ARHGAP6: variants seen among roughly 807,000 people sequenced by gnomAD.
The protein encoded by ARHGAP6 is Rho GTPase activating protein 6, also known as rho GTPase-activating protein 6.
In ARHGAP6, 16 loss-of-function variants were observed where a neutral mutation model predicts 55.7. The observed-to-expected ratio is 0.29, with a 90% confidence interval of 0.19 to 0.44. ARHGAP6 has a LOEUF of 0.44. Among genes scored for constraint, ARHGAP6 ranks in the 20% least tolerant of loss-of-function variants. The pLI, the probability that ARHGAP6 is intolerant of heterozygous loss-of-function variation, is 1.00. For synonymous variants in ARHGAP6, 382 were observed against 360.9 expected, an observed-to-expected ratio of 1.06 and a Z score of -0.66; for missense variants, 698 against 808.9, an observed-to-expected ratio of 0.86 and a Z score of 1.66.
rs1401632953 is a variant in ARHGAP6 at position 11,377,160 on chromosome X, T to C, written c.589-122453A>G. On this transcript the variant is annotated intron_variant, in intron 1 of 12. Transcript: ENST00000337414. ...AATGGGATTCATTGTTTCCTTGTTG[T>C]TCTGCTTTCCCAGAAAGGTAAGCTC... Among the ~76,000 whole-genome samples the C allele has an allele frequency of 1.8e-5, 2 of 112,365 alleles. 1 individual carries two copies. The highest frequency in any genetic ancestry group is 3.8e-5 in the Non-Finnish European group (2 of 53,270).
intron 1 of ARHGAP6, among the ~76,000 whole-genome samples, chrX:11,429,833 G>C (rs1263553672): frequency 8.9e-6 from 1 of 112,361 alleles, no homozygotes; most frequent in Admixed American, 9.4e-5. Flanking sequence ...CTCAGAATAA[G>C]ACAGAGAACC....
chrX:11,465,821 T>C (rs905302718), intron 1 of ARHGAP6, among the ~76,000 whole-genome samples: 1 of 112,231 alleles, frequency 8.9e-6, no homozygotes, highest in Non-Finnish European at 1.9e-5. Context: ...CACATGGTAG[T>C]CAGTGGCTAC....
intron 1 of ARHGAP6, among the ~76,000 whole-genome samples, chrX:11,444,505 A>G (rs2050072533): frequency 8.9e-6 from 1 of 112,428 alleles, no homozygotes; most frequent in Non-Finnish European, 1.9e-5. Context: ...TGAGGGCTTC[A>G]GTAATTTTGG....
intron 1 of ARHGAP6, among the ~76,000 whole-genome samples, chrX:11,589,331 C>A (rs749759561): frequency 1.0e-3 from 109 of 108,983 alleles, no homozygotes; most frequent in Non-Finnish European, 1.7e-3. Flanking sequence ...CACGAGCCAC[C>A]GCACCAGCCT....
Position 11,664,752 on chromosome X carries a change from C to G in ARHGAP6, c.77G>C (p.Gly26Ala), listed in dbSNP as rs1387135409. Residue 26 changes from glycine (G) to alanine (A), a missense_variant, in exon 1 of 13, where the codon GGC becomes GCC. Transcript: ENST00000337414. Reference protein sequence around the residue: ...PASSSAASAKGFSKRKLRQTR... With the variant: ...PASSSAASAKAFSKRKLRQTR... ...CTGGCGCAGCTTCCTCTTGGAGAAG[C>G]CCTTGGCCGAGGCCGCGCTACTTGA... 8.3e-7 allele frequency: 1 copy of G among 1,200,454 alleles called. No homozygotes were observed. The highest frequency in any genetic ancestry group is 1.1e-6 in the Non-Finnish European group (1 of 891,567).
chrX:11,357,191 G>C (rs1421943087), intron 1 of ARHGAP6, among the ~76,000 whole-genome samples: 1 of 111,912 alleles, frequency 8.9e-6, no homozygotes, highest in Non-Finnish European at 1.9e-5. Flanking sequence ...TTTCATTTTA[G>C]ATTTTAATTA....
chrX:11,305,904 A>T (rs188350244), intron 1 of ARHGAP6, among the ~76,000 whole-genome samples: 99 of 112,202 alleles, frequency 8.8e-4, no homozygotes, highest in South Asian at 1.9e-3. Flanking sequence ...TAAGGAGAGA[A>T]GATGATTAAG....
At chrX:11,611,131 T>C (rs2052097075) in intron 1 of ARHGAP6, among the ~76,000 whole-genome samples, 1 of 112,728 alleles carries the variant, frequency 8.9e-6, no homozygotes, top group Non-Finnish European at 1.9e-5. Context: ...ACTATAAACA[T>C]TTGTGTGCAA....
Position 11,139,309 on chromosome X carries a change from C to A in ARHGAP6, c.2479G>T (p.Ala827Ser), listed in dbSNP as rs2147262089. The A allele has an allele frequency of 8.4e-7, 1 of 1,184,958 alleles. No homozygotes were observed. Among genetic ancestry groups the A allele is most frequent in the East Asian group, 3.1e-5 (1 of 32,170 alleles). ...RACSTPHVQV[A>S]GKAERPTARS... is the part of the protein sequence containing the mutation. ...GCCGTGGGCCGCTCGGCTTTCCCTGCCACCTGGACGTGGGGCGTGCTGCAG... is the reference window on the plus strand; with the variant it reads ...GCCGTGGGCCGCTCGGCTTTCCCTGACACCTGGACGTGGGGCGTGCTGCAG... The change falls in exon 13 of 13, where the codon GCA (alanine) becomes TCA (serine). Residue 827 changes from alanine (A) to serine (S), a missense_variant. By Grantham distance (99) the Ala-to-Ser change is moderately conservative. Transcript: ENST00000337414.
chrX:11,615,699 A>G (rs1249652096), intron 1 of ARHGAP6, among the ~76,000 whole-genome samples: 1 of 112,303 alleles, frequency 8.9e-6, no homozygotes, highest in Admixed American at 9.5e-5. Context: ...AAAATACATC[A>G]GTACTGAAAT....
At chrX:11,547,710 T>C (rs1385298969) in intron 1 of ARHGAP6, among the ~76,000 whole-genome samples, 1 of 112,200 alleles carries the variant, frequency 8.9e-6, no homozygotes, top group Non-Finnish European at 1.9e-5. Flanking sequence ...TCACAATAAT[T>C]GCTCCACCTC....
At chrX:11,631,228 CA>C (rs34403217) in intron 1 of ARHGAP6, among the ~76,000 whole-genome samples, 1 of 111,245 alleles carries the variant, frequency 9.0e-6, no homozygotes, top group African/African-American at 3.3e-5. Flanking sequence ...ACTCTTCCCT[CA>C]AAAAGGTAAA....
At chrX:11,189,088 G>A in intron 3 of ARHGAP6, 104 bp from the exon 4 acceptor site, 1 of 959,067 alleles carries the variant, frequency 1.0e-6, no homozygotes, top group Non-Finnish European at 1.4e-6. Flanking sequence ...TCAAAGGAAT[G>A]TTTTCTGAAG....
chrX:11,288,623 A>G (rs6639059), intron 1 of ARHGAP6, among the ~76,000 whole-genome samples: 10,125 of 111,529 alleles, frequency 0.091, 1,021 homozygotes, highest in East Asian at 0.52. Context: ...CTATCATCAC[A>G]AAAAGAAACC....
At chrX:11,433,875 G>A (rs2049963174) in intron 1 of ARHGAP6, among the ~76,000 whole-genome samples, 1 of 112,332 alleles carries the variant, frequency 8.9e-6, no homozygotes, top group Admixed American at 9.4e-5. Context: ...AATAAATGGT[G>A]GAGTTGAGAT....
chrX:11,182,712 T>G lies in ARHGAP6; in HGVS notation c.1274-594A>C, dbSNP rs1299130386. On this transcript the variant is annotated intron_variant, in intron 5 of 12. Transcript: ENST00000337414. ...GTACAGTGACGTGATTACGGCTCAC[T>G]GCAGTCTTGACCTTCTGGGCTGCAG... Among the ~76,000 whole-genome samples the G allele has an allele frequency of 3.9e-5, 4 of 102,077 alleles. No individual in the cohort carries two copies. In the South Asian group the frequency reaches 2.0e-3, roughly 52 times the overall value. The allele number at this position is 102,077 out of a possible 115,157, so 88.6% of individuals were successfully genotyped here. A position where few individuals can be genotyped will look rare whatever the true frequency, so the allele number is the denominator to read the frequency against.
chrX:11,490,536 A>G lies in ARHGAP6; in HGVS notation c.588+173705T>C, dbSNP rs1371013608. Among the ~76,000 whole-genome samples the G allele has an allele frequency of 8.0e-5, 9 of 111,940 alleles. No homozygotes were observed. In the Admixed American group the frequency reaches 8.5e-4, roughly 11 times the overall value. On this transcript the variant is annotated intron_variant, in intron 1 of 12. Transcript: ENST00000337414. Reference sequence around the variant, plus strand: ...TAAGCTGTGCTTGGACTCCTGACCTATGGAAACTGTGAGATAATAAAGGTG... The same window carrying G: ...TAAGCTGTGCTTGGACTCCTGACCTGTGGAAACTGTGAGATAATAAAGGTG...
At chrX:11,157,877 T>C (rs2045883199) in intron 9 of ARHGAP6, among the ~76,000 whole-genome samples, 1 of 112,207 alleles carries the variant, frequency 8.9e-6, no homozygotes, top group South Asian at 3.7e-4. Flanking sequence ...CCTTCATTAA[T>C]GACATTGCCA....
chrX:11,189,355 G>T (rs1416501510), intron 3 of ARHGAP6, among the ~76,000 whole-genome samples: 1 of 111,846 alleles, frequency 8.9e-6, no homozygotes, highest in African/African-American at 3.3e-5. Context: ...TCAGAGTGTG[G>T]GTTGGGGTGA....
Sources: gnomAD v4.1 joint callset for allele counts (sites outside exome capture counted in the v4.1 genomes callset) on GRCh38, gnomAD v4.1.1 for gene constraint, MANE v1.5 for transcripts, NCBI Gene and HGNC (gene_info 2026-07-23, HGNC 2026-07-21) for gene names.